The following ANO6 variants were observed in gnomAD, a reference collection of about 807,000 sequenced individuals.
The protein encoded by ANO6 is anoctamin-6.
In ANO6, 106 loss-of-function variants were observed where a neutral mutation model predicts 117.5. The observed-to-expected ratio is 0.90, with a 90% CI of 0.77 to 1.06. ANO6 has a LOEUF of 1.06. Ranked by LOEUF, ANO6 falls within the 50% of genes least tolerant of loss-of-function variation. The pLI is 0.00. For synonymous variants in ANO6, 367 were observed against 385.1 expected, an observed-to-expected ratio of 0.95 and a Z score of 0.55; for missense variants, 955 against 1,121.1, an observed-to-expected ratio of 0.85 and a Z score of 2.12.
intron 1 of ANO6, among the ~76,000 whole-genome samples, chr12:45,289,019 TTC>T (rs1023177456): frequency 6.6e-6 from 1 of 152,032 alleles, no homozygotes; most frequent in African/African-American, 2.4e-5. Flanking sequence ...TGCTGAAATT[TTC>T]TGTCATGAAT....
At chr12:45,247,090 T>A (rs1947837582) in intron 1 of ANO6, among the ~76,000 whole-genome samples, 1 of 152,140 alleles carries the variant, frequency 6.6e-6, no homozygotes, top group Non-Finnish European at 1.5e-5. Flanking sequence ...CACGACTGGC[T>A]AATTTTTGTG....
chr12:45,224,033 C>T (rs1947444744), intron 1 of ANO6, among the ~76,000 whole-genome samples: 1 of 152,170 alleles, frequency 6.6e-6, no homozygotes, highest in African/African-American at 2.4e-5. Context: ...ATGTATTTTA[C>T]CAGGCACTCT....
rs140461732 is a variant in ANO6 at position 45,355,175 on chromosome 12, T to C, written c.864-2115T>C. ...ATACTTGTAACTTTGATTTAAAAAA[T>C]CAAAGCTGAATTTTGTTAAATTGAT... is the stretch of plus-strand genomic sequence containing the variant. On this transcript the variant is annotated intron_variant, in intron 7 of 19. Transcript: ENST00000320560. 2.6e-3 allele frequency among the ~76,000 whole-genome samples: 401 copies of C among 152,258 alleles called. 3 individuals carry two copies. Among genetic ancestry groups the C allele is most frequent in the African/African-American group, 9.1e-3 (379 of 41,556 alleles).
chr12:45,309,033 G>T (rs1305314661), intron 2 of ANO6, among the ~76,000 whole-genome samples: 1 of 152,092 alleles, frequency 6.6e-6, no homozygotes, highest in Non-Finnish European at 1.5e-5. Context: ...AGGTAATGTA[G>T]TTGTGGTCAG....
At chr12:45,256,913 A>G (rs11182950) in intron 1 of ANO6, among the ~76,000 whole-genome samples, 7,726 of 152,270 alleles carry the variant, frequency 0.051, 638 homozygotes, top group African/African-American at 0.17. Flanking sequence ...CCTACTGAAT[A>G]TTAATCATCA....
chr12:45,312,606 T>C (rs1443940536), intron 2 of ANO6, among the ~76,000 whole-genome samples: 1 of 152,056 alleles, frequency 6.6e-6, no homozygotes, highest in Non-Finnish European at 1.5e-5. Flanking sequence ...CAAATAATAA[T>C]AAAAAGTACA....
In ANO6 at chr12:45,301,952, C is replaced by A. The variant is rs4140756; in HGVS notation, c.71-62C>A. On this transcript the variant is annotated intron_variant, in intron 1 of 19. Coordinates refer to ENST00000320560, the MANE Select transcript of ANO6 (RefSeq NM_001025356.3). ...ACCCGGTGCTGCTGATTTAAAAGTACAGAACTACGTGAGCCAGTGCAGGTT... is the reference window on the plus strand; with the variant it reads ...ACCCGGTGCTGCTGATTTAAAAGTAAAGAACTACGTGAGCCAGTGCAGGTT... 0.99 allele frequency: 1,392,928 copies of A among 1,412,840 alleles called. 688,594 individuals carry two copies. The highest frequency in any genetic ancestry group is 1 in the East Asian group (43,792 of 43,792). 87.5% of individuals were successfully genotyped at this position (1,412,840 alleles called of 1,614,324 possible).
chr12:45,434,864 T>C (rs1195513945), downstream of ANO6, among the ~76,000 whole-genome samples: 2 of 152,194 alleles, frequency 1.3e-5, no homozygotes, highest in Admixed American at 1.3e-4. Context: ...TGGGATCCCA[T>C]AGAGAACTAT....
intron 9 of ANO6, among the ~76,000 whole-genome samples, chr12:45,370,711 A>G (rs1593024958): frequency 6.6e-6 from 1 of 152,258 alleles, no homozygotes; most frequent in Non-Finnish European, 1.5e-5. Flanking sequence ...AGATGGTTCC[A>G]TAAGAGTCAA....
chr12:45,263,896 C>T (rs1390582165), intron 1 of ANO6, among the ~76,000 whole-genome samples: 1 of 152,186 alleles, frequency 6.6e-6, no homozygotes, highest in Non-Finnish European at 1.5e-5. Context: ...AACTTCAAGT[C>T]ACTGAAATAA....
At chr12:45,321,873 A>ATG (rs1565688698) in intron 2 of ANO6, among the ~76,000 whole-genome samples, 1 of 152,150 alleles carries the variant, frequency 6.6e-6, no homozygotes. Context: ...TATTAAAAAG[A>ATG]TGTGTACTCA....
chr12:45,321,242 C>T (rs916513961), intron 2 of ANO6, among the ~76,000 whole-genome samples: 4 of 152,114 alleles, frequency 2.6e-5, no homozygotes, highest in Non-Finnish European at 5.9e-5. Flanking sequence ...GGATGTTCTT[C>T]TTGGATTGCA....
intron 7 of ANO6, 149 bp downstream of exon 7, chr12:45,350,923 CTTAA>C (rs1941264693): frequency 1.5e-6 from 1 of 675,416 alleles, no homozygotes; most frequent in Non-Finnish European, 2.7e-6. Flanking sequence ...TTTATTGAGG[CTTAA>C]TTATGTGGGC....
At chr12:45,370,737 A>C (rs960826075) in intron 9 of ANO6, among the ~76,000 whole-genome samples, 2 of 152,224 alleles carry the variant, frequency 1.3e-5, no homozygotes, top group South Asian at 2.1e-4. Context: ...AAAGATTTGA[A>C]ATATGTGGTC....
At chr12:45,308,965 AG>A (rs2137326284) in intron 2 of ANO6, among the ~76,000 whole-genome samples, 1 of 152,160 alleles carries the variant, frequency 6.6e-6, no homozygotes, top group South Asian at 2.1e-4. Flanking sequence ...AAGAAAGAAG[AG>A]GGTTGGCAGA....
intron 17 of ANO6, among the ~76,000 whole-genome samples, chr12:45,417,620 C>A (rs1943248000): frequency 6.6e-6 from 1 of 152,178 alleles, no homozygotes; most frequent in South Asian, 2.1e-4. Context: ...ACAGGAAGTT[C>A]TCAGGCAATG....
At chr12:45,416,619 T>C in intron 16 of ANO6, 80 bp from the exon 17 acceptor site, 1 of 1,405,624 alleles carries the variant, frequency 7.1e-7, no homozygotes, top group East Asian at 2.3e-5. Flanking sequence ...TTCGTTTGCC[T>C]TTCTCTTTCA....
At chr12:45,371,142 G>A (rs546667691) in intron 9 of ANO6, among the ~76,000 whole-genome samples, 1 of 152,296 alleles carries the variant, frequency 6.6e-6, no homozygotes, top group Non-Finnish European at 1.5e-5. Context: ...CGAATACTGC[G>A]CTTTTCTGAC....
chr12:45,390,447 C>A lies in ANO6; in HGVS notation c.1335C>A (p.Ala445=). The change falls in exon 12 of 20, where the codon GCC becomes GCA. Residue 445 remains alanine (A), a synonymous_variant. Transcript: ENST00000320560. Reference sequence around the variant, plus strand: ...AAGAAGAACGCATTCCCTTTACTGCCTGGGGAAAATGTATACGGATAACCC... The same window carrying A: ...AAGAAGAACGCATTCCCTTTACTGCATGGGGAAAATGTATACGGATAACCC... The part of the protein sequence containing the change: ...TQEEERIPFT[A]WGKCIRITLC... 6.2e-6 allele frequency: 10 copies of A among 1,613,906 alleles called. No individual in the cohort carries two copies. The highest frequency in any genetic ancestry group is 8.5e-6 in the Non-Finnish European group (10 of 1,179,914).
Sources: allele counts gnomAD v4.1 joint callset (sites outside exome capture counted in the v4.1 genomes callset), GRCh38; gene constraint gnomAD v4.1.1; transcripts MANE v1.5; gene names NCBI Gene and HGNC (gene_info 2026-07-23, HGNC 2026-07-21).